SMARCB1: variants seen among roughly 807,000 people sequenced by gnomAD.
SMARCB1 encodes the protein SWI/SNF-related matrix-associated actin-dependent regulator of chromatin subfamily B member 1.
Under a neutral mutation model 49.0 loss-of-function variants are expected in SMARCB1, and 5 were observed. That is an observed-to-expected ratio of 0.10 (90% CI 0.05 to 0.21). The LOEUF (loss-of-function observed/expected upper bound fraction) is 0.21, where lower values mean the gene tolerates loss of function less well. Ranked by LOEUF, SMARCB1 falls within the 10% of genes least tolerant of loss-of-function variation. The pLI, the probability that SMARCB1 is intolerant of heterozygous loss-of-function variation, is 1.00. For missense variants in SMARCB1, 226 were observed against 509.2 expected, an observed-to-expected ratio of 0.44 and a Z score of 5.35; for synonymous variants, 201 against 200.1, an observed-to-expected ratio of 1.00 and a Z score of -0.04.
At chr22:23,803,487 C>T in intron 5 of SMARCB1, 65 bp downstream of exon 5, 1 of 1,592,196 alleles carries the variant, frequency 6.3e-7, no homozygotes, top group East Asian at 2.2e-5. Context: ...GGAACAGTCC[C>T]GTTTCCTGCC....
At chr22:23,795,253 A>G (rs1036491489) in intron 3 of SMARCB1, among the ~76,000 whole-genome samples, 2 of 152,164 alleles carry the variant, frequency 1.3e-5, no homozygotes, top group African/African-American at 2.4e-5. Context: ...CCTGAGCAAC[A>G]TAGTGAGACG....
intron 5 of SMARCB1, chr22:23,816,503 G>A: frequency 1.7e-6 from 1 of 593,514 alleles, no homozygotes; most frequent in Admixed American, 2.9e-5. Flanking sequence ...CGCCCACCCA[G>A]CTATGAGTGG....
At chr22:23,821,459 T>G (rs2030083091) in intron 6 of SMARCB1, among the ~76,000 whole-genome samples, 1 of 152,184 alleles carries the variant, frequency 6.6e-6, no homozygotes, top group South Asian at 2.1e-4. Context: ...AGCCTTGACC[T>G]CCTGGGTTCA....
At chr22:23,825,555 C>G in intron 7 of SMARCB1, 140 bp downstream of exon 7, 2 of 721,474 alleles carry the variant, frequency 2.8e-6, no homozygotes, top group South Asian at 3.5e-5. Context: ...TGTGTTTGCT[C>G]CGTCCTCCTC....
At chr22:23,817,202 A>G (rs1481799675) in intron 6 of SMARCB1, 2 of 562,184 alleles carry the variant, frequency 3.6e-6, no homozygotes, top group African/African-American at 1.9e-5. Context: ...GGAGGTCTAG[A>G]GGAGGTGAAG....
At chr22:23,828,866 A>C (rs1453584036) in intron 7 of SMARCB1, among the ~76,000 whole-genome samples, 1 of 152,162 alleles carries the variant, frequency 6.6e-6, no homozygotes, top group African/African-American at 2.4e-5. Context: ...CCCACACCTC[A>C]GGGGAACCAG....
chr22:23,799,188 G>A (rs1224689541), intron 3 of SMARCB1, among the ~76,000 whole-genome samples: 1 of 152,088 alleles, frequency 6.6e-6, no homozygotes, highest in East Asian at 1.9e-4. Flanking sequence ...AGCCTTGCCA[G>A]GGAAAATGGA....
chr22:23,808,857 C>G (rs1214916693), intron 5 of SMARCB1, among the ~76,000 whole-genome samples: 1 of 151,796 alleles, frequency 6.6e-6, no homozygotes, highest in Non-Finnish European at 1.5e-5. Flanking sequence ...TGCCACCATA[C>G]CCGGTTAATT....
Position 23,787,157 on chromosome 22 carries a change from C to G in SMARCB1, c.-13C>G. ...TCGCAGCCCGGCTCCGGCCGCCCGC[C>G]TCTGCCGCCGCAATGATGATGATGG... On this transcript the variant is annotated 5_prime_UTR_variant, in exon 1 of 9. Transcript: ENST00000644036. 1 of 1,593,876 alleles carries G rather than the reference C, an allele frequency of 6.3e-7. No individual in the cohort carries two copies. The highest frequency in any genetic ancestry group is 1.1e-5 in the South Asian group (1 of 90,234).
intron 1 of SMARCB1, among the ~76,000 whole-genome samples, chr22:23,788,633 T>G (rs1928168792): frequency 6.6e-6 from 1 of 152,162 alleles, no homozygotes; most frequent in Admixed American, 6.5e-5. Context: ...CTTGAACTCC[T>G]GGGCTCAAGT....
chr22:23,835,075 C>T lies in SMARCB1; in HGVS notation c.*895C>T, dbSNP rs939117918. The T allele has an allele frequency of 5.7e-6, 8 of 1,399,106 alleles. No homozygotes were observed. The highest frequency in any genetic ancestry group is 2.6e-4 in the Middle Eastern group (1 of 3,784). 86.7% of individuals were successfully genotyped at this position (1,399,106 alleles called of 1,614,324 possible). ...CAGCAGGTGCTGTGGCCTGGGCCAG[C>T]TCCTGCCTTACAAGCCAGCTGTGAG... is the stretch of plus-strand genomic sequence containing the variant. On this transcript the variant is annotated 3_prime_UTR_variant, in exon 9 of 9. Transcript: ENST00000644036.
At chr22:23,827,655 C>T (rs142196753) in intron 7 of SMARCB1, among the ~76,000 whole-genome samples, 183 of 152,334 alleles carry the variant, frequency 1.2e-3, no homozygotes, top group African/African-American at 4.3e-3. Context: ...GAGCACACGT[C>T]CCTATCACAG....
In SMARCB1 at chr22:23,787,002, TCTG is replaced by T. The variant is rs951302705; in HGVS notation, c.-166_-164del. On this transcript the variant is annotated 5_prime_UTR_variant, in exon 1 of 9. Transcript: ENST00000644036. ...CGCACTGAGGGCGGCCTGGTCGTCG[TCTG>T]CGGCGGCGGCGGCGGCTGAGGAGCC... The T allele has an allele frequency of 2.6e-5, 13 of 502,298 alleles. No homozygotes were observed. Among genetic ancestry groups the T allele is most frequent in the African/African-American group, 2.1e-4 (10 of 48,726 alleles). 31.1% of individuals were successfully genotyped at this position (502,298 alleles called of 1,614,324 possible). A position where few individuals can be genotyped will look rare whatever the true frequency, so the allele number is the denominator to read the frequency against.
At chr22:23,825,133 C>T in intron 6 of SMARCB1, 92 bp from the exon 7 acceptor site, 1 of 1,026,964 alleles carries the variant, frequency 9.7e-7, no homozygotes, top group Middle Eastern at 2.2e-4. Context: ...CCCTGGTGGG[C>T]AGGGCCCACC....
At chr22:23,795,789 CTTTTT>C (rs1237100249) in intron 3 of SMARCB1, among the ~76,000 whole-genome samples, 3 of 133,958 alleles carry the variant, frequency 2.2e-5, no homozygotes, top group Admixed American at 7.6e-5. Context: ...GCTGGAGGTG[CTTTTT>C]TTTTTTTTTT....
Position 23,816,460 on chromosome 22 carries a change from C to T in SMARCB1, c.629-310C>T, listed in dbSNP as rs569660364. ...TTTGATGTGCCTTTGCTGGCCTCGCCTGGATCATCTCATTAGTTGGGATAA... is the reference window on the plus strand; with the variant it reads ...TTTGATGTGCCTTTGCTGGCCTCGCTTGGATCATCTCATTAGTTGGGATAA... On this transcript the variant is annotated intron_variant, in intron 5 of 8. Coordinates refer to ENST00000644036, the MANE Select transcript of SMARCB1 (RefSeq NM_003073.5). The T allele has an allele frequency of 2.3e-4, 125 of 545,906 alleles. 2 individuals are homozygous for T. In the South Asian group the frequency reaches 2.5e-3, roughly 11 times the overall value. 33.8% of individuals were successfully genotyped at this position (545,906 alleles called of 1,614,324 possible).
Position 23,837,575 on chromosome 22 carries a change from TG to T in SMARCB1, c.*3398del. 1 of 1,394,114 alleles carries T rather than the reference TG, an allele frequency of 7.2e-7. No homozygotes were observed. The highest frequency in any genetic ancestry group is 9.8e-7 in the Non-Finnish European group (1 of 1,017,518). The allele number at this position is 1,394,114 out of a possible 1,614,324, so 86.4% of individuals were successfully genotyped here. On this transcript the variant is annotated 3_prime_UTR_variant, in exon 9 of 9. Coordinates refer to ENST00000644036, the MANE Select transcript of SMARCB1 (RefSeq NM_003073.5). Reference sequence around the variant, plus strand: ...GGTGTGAGGAGAACTCCAGCAAGGATGGGAGAGGGGCCCCAGGGCATAAGCA... The same window carrying T: ...GGTGTGAGGAGAACTCCAGCAAGGATGGAGAGGGGCCCCAGGGCATAAGCA...
Position 23,837,781 on chromosome 22 carries a change from C to T in SMARCB1, c.*3601C>T, listed in dbSNP as rs762681120. The T allele has an allele frequency of 1.5e-5, 24 of 1,613,748 alleles. No homozygotes were observed. Among genetic ancestry groups the T allele is most frequent in the Non-Finnish European group, 1.9e-5 (22 of 1,180,012 alleles). ...GTTGACCCTCACCCGAGGGCTGCGG[C>T]GGCTCCACACGTACACCAGCATGGC... is the stretch of plus-strand genomic sequence containing the variant. On this transcript the variant is annotated 3_prime_UTR_variant, in exon 9 of 9. Coordinates refer to ENST00000644036, the MANE Select transcript of SMARCB1 (RefSeq NM_003073.5).
In SMARCB1 at chr22:23,816,908, A is replaced by G. The variant is rs749976156; in HGVS notation, c.767A>G (p.Asp256Gly). The change falls in exon 6 of 9, where the codon GAC becomes GGC. Residue 256 changes from aspartate to glycine, a missense_variant. Physicochemically the swap from Asp to Gly is moderately conservative, Grantham distance 94. This residue lies in a region of SMARCB1 where 128 missense variants were observed against 263.9 expected (regional missense o/e 0.49). Transcript: ENST00000644036. ...TACCCCACGGACAGCATCCTGGAGGACCAGTCAGACCAGCGCGTCATCATC... is the reference window on the plus strand; with the variant it reads ...TACCCCACGGACAGCATCCTGGAGGGCCAGTCAGACCAGCGCGTCATCATC... Reference protein sequence around the residue: ...ESYPTDSILEDQSDQRVIIKL... With the variant: ...ESYPTDSILEGQSDQRVIIKL... 2 of 1,614,090 alleles carry G rather than the reference A, an allele frequency of 1.2e-6. No individual in the cohort carries two copies. The highest frequency in any genetic ancestry group is 1.7e-5 in the Admixed American group (1 of 60,024).
Sources: allele counts gnomAD v4.1 joint callset (sites outside exome capture counted in the v4.1 genomes callset), GRCh38; gene constraint gnomAD v4.1.1; regional missense constraint gnomAD v4.1.1; transcripts MANE v1.5; gene names NCBI Gene and HGNC (gene_info 2026-07-23, HGNC 2026-07-21).